SPMIP2: variants seen among roughly 807,000 people sequenced by gnomAD.
SPMIP2 encodes the protein sperm microtubule inner protein 2.
the SPMIP2 span, among the ~76,000 whole-genome samples, chr4:159,022,114 A>G: frequency 1.3e-5 from 2 of 152,214 alleles, no homozygotes; most frequent in Non-Finnish European, 2.9e-5. Context: ...ACTTTGAAAG[A>G]GTCTGGAAAT....
the SPMIP2 span, among the ~76,000 whole-genome samples, chr4:159,001,334 T>G: frequency 6.6e-6 from 1 of 152,156 alleles, no homozygotes; most frequent in Non-Finnish European, 1.5e-5. Context: ...TGCCTCGTCT[T>G]CTTATTGAGA....
At chr4:159,025,115 A>G in the SPMIP2 span, among the ~76,000 whole-genome samples, 1 of 152,202 alleles carries the variant, frequency 6.6e-6, no homozygotes, top group Non-Finnish European at 1.5e-5. Context: ...TTGCTACTCA[A>G]AATGTGGTCT....
the SPMIP2 span, among the ~76,000 whole-genome samples, chr4:158,945,516 A>G: frequency 6.6e-6 from 1 of 152,252 alleles, no homozygotes; most frequent in Admixed American, 6.5e-5. Context: ...CATTTGGAAT[A>G]CAGTGAGTTC....
At chr4:159,029,648 T>C in the SPMIP2 span, among the ~76,000 whole-genome samples, 14 of 152,196 alleles carry the variant, frequency 9.2e-5, no homozygotes, top group African/African-American at 3.1e-4. Context: ...GAGTTTTGTG[T>C]AGTGTTATGT....
chr4:159,020,793 A>G, the SPMIP2 span, among the ~76,000 whole-genome samples: 158 of 151,872 alleles, frequency 1.0e-3, 1 homozygote, highest in Non-Finnish European at 1.9e-3. Flanking sequence ...ACGGTGTCTC[A>G]CTCTGTTGCC....
the SPMIP2 span, among the ~76,000 whole-genome samples, chr4:159,010,680 C>G: frequency 6.6e-6 from 1 of 152,132 alleles, no homozygotes; most frequent in Admixed American, 6.6e-5. Context: ...ATCGGGGCAG[C>G]GTTTGTTTCT....
At chr4:158,947,417 C>T in the SPMIP2 span, among the ~76,000 whole-genome samples, 1 of 152,188 alleles carries the variant, frequency 6.6e-6, no homozygotes, top group Non-Finnish European at 1.5e-5. Flanking sequence ...ACACAAAATA[C>T]AGGCACACCT....
the SPMIP2 span, among the ~76,000 whole-genome samples, chr4:158,901,855 T>G: frequency 1.3e-4 from 20 of 151,950 alleles, no homozygotes; most frequent in African/African-American, 4.8e-4. Context: ...TATGTTCTTC[T>G]CTAAGCTAGT....
the SPMIP2 span, among the ~76,000 whole-genome samples, chr4:159,018,939 A>C: frequency 6.6e-6 from 1 of 152,114 alleles, no homozygotes; most frequent in Admixed American, 6.5e-5. Flanking sequence ...AAATACAAAA[A>C]ATTAGCTGGG....
the SPMIP2 span, among the ~76,000 whole-genome samples, chr4:158,903,109 G>C: frequency 1.3e-5 from 2 of 152,220 alleles, no homozygotes; most frequent in Non-Finnish European, 2.9e-5. Context: ...CCAGGGCCCT[G>C]ATTGTGTACA....
chr4:158,950,644 C>T, the SPMIP2 span, among the ~76,000 whole-genome samples: 4 of 152,098 alleles, frequency 2.6e-5, no homozygotes, highest in Non-Finnish European at 1.5e-5. Context: ...ACCTGTAATC[C>T]CAGCACTTTG....
chr4:158,950,337 C>A, the SPMIP2 span, among the ~76,000 whole-genome samples: 1 of 152,316 alleles, frequency 6.6e-6, no homozygotes, highest in East Asian at 1.9e-4. Flanking sequence ...TCCTTCTATA[C>A]CTGGCTTAAA....
chr4:158,893,764 G>A, the SPMIP2 span: 4 of 1,377,792 alleles, frequency 2.9e-6, no homozygotes, highest in South Asian at 3.8e-5. Context: ...TACTTCATAA[G>A]TATTTGCCAA....
At chr4:159,021,237 G>C in the SPMIP2 span, among the ~76,000 whole-genome samples, 1 of 152,196 alleles carries the variant, frequency 6.6e-6, no homozygotes, top group Non-Finnish European at 1.5e-5. Context: ...CAATCTTCTA[G>C]AGTCATCCTC....
At chr4:159,040,470 C>G in the SPMIP2 span, among the ~76,000 whole-genome samples, 16 of 151,000 alleles carry the variant, frequency 1.1e-4, no homozygotes, top group Admixed American at 2.6e-4. Flanking sequence ...TGCGCCCGGT[C>G]TGTATTTTTT....
At chr4:158,968,801 TATATC>T in the SPMIP2 span, among the ~76,000 whole-genome samples, 2 of 152,178 alleles carry the variant, frequency 1.3e-5, no homozygotes, top group Admixed American at 6.5e-5. Flanking sequence ...AAGCCAATCT[TATATC>T]AGTTTATTCC....
the SPMIP2 span, among the ~76,000 whole-genome samples, chr4:159,021,369 C>A: frequency 1.3e-5 from 2 of 152,180 alleles, no homozygotes; most frequent in African/African-American, 4.8e-5. Flanking sequence ...ATCACAGAGG[C>A]AGAGGTTTTC....
At chr4:159,007,629 C>T in the SPMIP2 span, 35 of 931,694 alleles carry the variant, frequency 3.8e-5, no homozygotes, top group Non-Finnish European at 5.7e-5. Context: ...CTCAGAACGT[C>T]GGGATGCTGT....
chr4:158,953,411 T>C, the SPMIP2 span, among the ~76,000 whole-genome samples: 2 of 152,192 alleles, frequency 1.3e-5, no homozygotes, highest in African/African-American at 4.8e-5. Flanking sequence ...AGAATTAGGG[T>C]TTGAGAACCT....
Sources: gnomAD v4.1 joint callset for allele counts (sites outside exome capture counted in the v4.1 genomes callset) on GRCh38, gnomAD v4.1.1 for gene constraint, MANE v1.5 for transcripts, NCBI Gene and HGNC (gene_info 2026-07-23, HGNC 2026-07-21) for gene names.